Variants in ROBO2 observed in about 807,000 individuals in gnomAD.
The protein encoded by ROBO2 is roundabout guidance receptor 2, also known as roundabout homolog 2.
A neutral mutation model predicts 160.8 loss-of-function variants in ROBO2; 53 were observed. The ratio of observed to expected loss-of-function variants is 0.33; its 90% CI spans 0.26 to 0.41. The LOEUF (loss-of-function observed/expected upper bound fraction) is 0.41. Among genes scored for constraint, ROBO2 ranks in the 10% least tolerant of loss-of-function variants. The pLI, the probability that ROBO2 is intolerant of heterozygous loss-of-function variation, is 1.00. For missense variants in ROBO2, 1,577 were observed against 1,722.4 expected, an observed-to-expected ratio of 0.92 and a Z score of 1.49; for synonymous variants, 664 against 611.7, an observed-to-expected ratio of 1.09 and a Z score of -1.26.
intron 1 of ROBO2, among the ~76,000 whole-genome samples, chr3:75,909,853 A>T (rs1946493548): frequency 6.6e-6 from 1 of 152,240 alleles, no homozygotes; most frequent in African/African-American, 2.4e-5. Flanking sequence ...CCCTCAGGAA[A>T]GAGCAAGACC....
At position 76,011,998 on chromosome 3, in the gene ROBO2, A is replaced by T. The variant is rs2066208074; in HGVS notation, c.109+74396A>T. ...ACAGTTTTAGACAGATTCAAAGCCC[A>T]GTTCAATGTAGCCAAGATTCTTTAA... On this transcript the variant is annotated intron_variant, in intron 2 of 26. Coordinates refer to the ROBO2 transcript ENST00000487694. Among the ~76,000 whole-genome samples the T allele has an allele frequency of 2.6e-5, 4 of 152,336 alleles. No homozygotes were observed. The South Asian group carries it at 8.3e-4, about 32-fold the overall frequency.
chr3:76,471,276 T>G (rs1271219861), intron 2 of ROBO2, among the ~76,000 whole-genome samples: 2 of 152,152 alleles, frequency 1.3e-5, no homozygotes, highest in East Asian at 3.9e-4. Context: ...GAAGAAGCAC[T>G]TATTTTGCTC....
chr3:77,165,750 T>C (rs55983352), intron 2 of ROBO2, among the ~76,000 whole-genome samples: 85,159 of 151,916 alleles, frequency 0.56, 24,315 homozygotes, highest in Middle Eastern at 0.67. Context: ...CACCAGCACC[T>C]GGATTGTGAA....
chr3:76,077,016 C>T (rs7630937), intron 2 of ROBO2, among the ~76,000 whole-genome samples: 77,263 of 151,464 alleles, frequency 0.51, 20,543 homozygotes, highest in African/African-American at 0.67. Flanking sequence ...TTCTCTACTG[C>T]AACATTTTAC....
intron 2 of ROBO2, among the ~76,000 whole-genome samples, chr3:76,816,211 A>G (rs1446959064): frequency 1.3e-5 from 2 of 152,166 alleles, no homozygotes; most frequent in Non-Finnish European, 2.9e-5. Flanking sequence ...TGGTGACAAG[A>G]CATTCATATT....
At chr3:76,862,783 C>G (rs1362163342) in intron 2 of ROBO2, among the ~76,000 whole-genome samples, 2 of 151,972 alleles carry the variant, frequency 1.3e-5, no homozygotes, top group Non-Finnish European at 2.9e-5. Context: ...TGTCCTGAAC[C>G]CTTTCAAAAT....
At chr3:76,608,227 A>G (rs1450207194) in intron 2 of ROBO2, among the ~76,000 whole-genome samples, 1 of 152,180 alleles carries the variant, frequency 6.6e-6, no homozygotes, top group Non-Finnish European at 1.5e-5. Flanking sequence ...CATTAGTATC[A>G]TCCTTTCTCA....
chr3:77,294,249 A>C lies in ROBO2; in HGVS notation c.389-183165A>C, dbSNP rs2061718920. Among the ~76,000 whole-genome samples the C allele has an allele frequency of 1.4e-5, 2 of 142,582 alleles. 1 individual carries two copies. The highest frequency in any genetic ancestry group is 3.0e-5 in the Non-Finnish European group (2 of 66,022). 93.5% of individuals were successfully genotyped at this position (142,582 alleles called of 152,430 possible). On this transcript the variant is annotated intron_variant, in intron 2 of 25. Coordinates refer to ENST00000461745, the Ensembl canonical transcript of ROBO2. ...TAGATCACCCCGGACATAAAGTAAA[A>C]TTGATGGTTAAACGGGAAGTTGAGG... is the stretch of plus-strand genomic sequence containing the variant.
At chr3:76,190,666 T>C (rs1701966753) in intron 2 of ROBO2, among the ~76,000 whole-genome samples, 1 of 152,114 alleles carries the variant, frequency 6.6e-6, no homozygotes, top group Non-Finnish European at 1.5e-5. Flanking sequence ...CCAGGTTAAT[T>C]TAAACATTGA....
intron 2 of ROBO2, among the ~76,000 whole-genome samples, chr3:76,146,803 G>A (rs2071915258): frequency 8.1e-6 from 1 of 124,034 alleles, no homozygotes; most frequent in African/African-American, 2.9e-5. Flanking sequence ...ACTGCCCAAG[G>A]TAACTCTGTG....
intron 2 of ROBO2, among the ~76,000 whole-genome samples, chr3:76,387,941 G>T (rs1186042993): frequency 6.6e-6 from 1 of 152,158 alleles, no homozygotes; most frequent in South Asian, 2.1e-4. Flanking sequence ...GCAATGGGAT[G>T]AAATGATCAG....
chr3:76,098,658 A>T lies in ROBO2; in HGVS notation c.109+161056A>T, dbSNP rs895157910. On this transcript the variant is annotated intron_variant, in intron 2 of 26. Transcript: ENST00000487694. Reference sequence around the variant, plus strand: ...AATAAATTATCATTTAAGACATATAATCTAAATAAAACAGAAGCATAGTTT... The same window carrying T: ...AATAAATTATCATTTAAGACATATATTCTAAATAAAACAGAAGCATAGTTT... 2.6e-5 allele frequency among the ~76,000 whole-genome samples: 4 copies of T among 152,154 alleles called. 1 individual carries two copies.
intron 2 of ROBO2, among the ~76,000 whole-genome samples, chr3:77,313,243 A>G (rs904758155): frequency 6.6e-6 from 1 of 152,200 alleles, no homozygotes; most frequent in Non-Finnish European, 1.5e-5. Flanking sequence ...TAATTTTTTA[A>G]TTGATACATA....
intron 2 of ROBO2, among the ~76,000 whole-genome samples, chr3:76,965,031 A>G (rs1479643315): frequency 2.0e-5 from 3 of 152,196 alleles, no homozygotes; most frequent in Non-Finnish European, 2.9e-5. Context: ...GGTATCTTCA[A>G]AAGTGCTTCT....
intron 2 of ROBO2, among the ~76,000 whole-genome samples, chr3:76,947,642 A>T: frequency 6.6e-6 from 1 of 151,726 alleles, no homozygotes; most frequent in Admixed American, 6.6e-5. Flanking sequence ...AATTCTTGCA[A>T]TCGATGACAT....
intron 2 of ROBO2, among the ~76,000 whole-genome samples, chr3:77,235,335 C>G (rs78040637): frequency 0.013 from 2,024 of 151,198 alleles, 65 homozygotes; most frequent in African/African-American, 0.046. Context: ...CTTATGCATT[C>G]TATAATATGA....
At chr3:77,030,719 T>C (rs970108043) in intron 2 of ROBO2, among the ~76,000 whole-genome samples, 2 of 152,202 alleles carry the variant, frequency 1.3e-5, no homozygotes, top group African/African-American at 4.8e-5. Flanking sequence ...ATAATCTTCA[T>C]GTAGCTTATG....
At chr3:75,969,438 G>C (rs187661953) in intron 2 of ROBO2, among the ~76,000 whole-genome samples, 1 of 151,422 alleles carries the variant, frequency 6.6e-6, no homozygotes, top group East Asian at 2.0e-4. Flanking sequence ...ACCCAGCAGG[G>C]GGATTGTGGA....
chr3:77,039,670 C>T (rs1489311836), upstream of ROBO2, among the ~76,000 whole-genome samples: 2 of 152,194 alleles, frequency 1.3e-5, no homozygotes, highest in South Asian at 4.1e-4. Flanking sequence ...TCTCCAGGAC[C>T]CCTCCCCACT....
Sources: gnomAD v4.1 joint callset for allele counts (sites outside exome capture counted in the v4.1 genomes callset) on GRCh38, gnomAD v4.1.1 for gene constraint, MANE v1.5 for transcripts, NCBI Gene and HGNC (gene_info 2026-07-23, HGNC 2026-07-21) for gene names.